The following PLS1 variants were observed in gnomAD, a reference collection of about 807,000 sequenced individuals.
The protein encoded by PLS1 is plastin-1.
PLS1 carries 32 observed loss-of-function variants against 73.7 expected under a neutral mutation model. The ratio of observed to expected loss-of-function variants is 0.43; its 90% CI spans 0.33 to 0.58. The LOEUF is 0.58. Ranked by LOEUF, PLS1 falls within the 20% of genes least tolerant of loss-of-function variation. PLS1 has a pLI of 0.04. For missense variants in PLS1, 633 were observed against 740.5 expected, an observed-to-expected ratio of 0.85 and a Z score of 1.68; for synonymous variants, 217 against 261.3, an observed-to-expected ratio of 0.83 and a Z score of 1.63.
At chr3:142,680,123 C>T (rs535314756) in intron 6 of PLS1, among the ~76,000 whole-genome samples, 1 of 152,290 alleles carries the variant, frequency 6.6e-6, no homozygotes, top group African/African-American at 2.4e-5. Flanking sequence ...CTTGCTATGC[C>T]ACCCAATATA....
intron 11 of PLS1, 116 bp downstream of exon 11, chr3:142,694,663 T>C: frequency 1.7e-6 from 1 of 587,576 alleles, no homozygotes. Flanking sequence ...AGCCAATTTT[T>C]AGAGTTTCAG....
chr3:142,693,618 CAGG>C (rs1215915490), intron 10 of PLS1, among the ~76,000 whole-genome samples: 1 of 152,128 alleles, frequency 6.6e-6, no homozygotes, highest in African/African-American at 2.4e-5. Context: ...TATTTGCAGT[CAGG>C]AGATGACTAG....
chr3:142,664,971 C>CT (rs74661149), intron 2 of PLS1, among the ~76,000 whole-genome samples: 3,215 of 141,920 alleles, frequency 0.023, 104 homozygotes, highest in African/African-American at 0.073. Context: ...ATATAAATAC[C>CT]TTTTTTTTTT....
chr3:142,698,789 C>A (rs1042321767), intron 12 of PLS1, among the ~76,000 whole-genome samples: 1 of 152,178 alleles, frequency 6.6e-6, no homozygotes, highest in Non-Finnish European at 1.5e-5. Flanking sequence ...ACATATTAAT[C>A]TTCCAAAAAA....
In PLS1 at chr3:142,634,843, A is replaced by G. The variant is rs140981627; in HGVS notation, c.-36-29359A>G. Among the ~76,000 whole-genome samples the G allele has an allele frequency of 4.7e-3, 717 of 152,270 alleles. 10 individuals are homozygous for G. The highest frequency in any genetic ancestry group is 0.016 in the African/African-American group (676 of 41,556). Reference sequence around the variant, plus strand: ...TTCTTATTGTTTAAGTCATTTTAAAAGCCAGTTGTTTTAAATAAAAATAAT... The same window carrying G: ...TTCTTATTGTTTAAGTCATTTTAAAGGCCAGTTGTTTTAAATAAAAATAAT... On this transcript the variant is annotated intron_variant, in intron 1 of 15. Transcript: ENST00000457734.
chr3:142,688,301 T>A (rs2038015753), intron 9 of PLS1, among the ~76,000 whole-genome samples: 1 of 152,238 alleles, frequency 6.6e-6, no homozygotes, highest in Non-Finnish European at 1.5e-5. Context: ...GTTAATTTAA[T>A]AATCTGTTGC....
chr3:142,694,336 T>A, intron 10 of PLS1, 133 bp from the exon 11 acceptor site: 2 of 483,532 alleles, frequency 4.1e-6, no homozygotes, highest in Middle Eastern at 3.0e-4. Flanking sequence ...TTTTCTCCCT[T>A]TAAAGAAACT....
intron 6 of PLS1, among the ~76,000 whole-genome samples, chr3:142,679,715 C>G (rs530802967): frequency 6.6e-6 from 1 of 151,838 alleles, no homozygotes; most frequent in Non-Finnish European, 1.5e-5. Flanking sequence ...CGTGATGCCT[C>G]CAGCTTTGTT....
chr3:142,645,087 A>T (rs1057027037), intron 1 of PLS1, among the ~76,000 whole-genome samples: 3 of 152,250 alleles, frequency 2.0e-5, no homozygotes, highest in Non-Finnish European at 2.9e-5. Flanking sequence ...ATTATAAAAC[A>T]TAGATTTATT....
chr3:142,625,155 A>G (rs1446809547), intron 1 of PLS1, among the ~76,000 whole-genome samples: 1 of 152,182 alleles, frequency 6.6e-6, no homozygotes, highest in African/African-American at 2.4e-5. Flanking sequence ...ATACGAGCTC[A>G]AAGAGAATAG....
At chr3:142,703,318 G>A (rs1160893088) in intron 12 of PLS1, among the ~76,000 whole-genome samples, 2 of 131,812 alleles carry the variant, frequency 1.5e-5, no homozygotes, top group South Asian at 2.3e-4. Flanking sequence ...TTTTTGAGAC[G>A]GAGTTTTTGC....
chr3:142,636,650 T>A (rs2036699597), intron 1 of PLS1, among the ~76,000 whole-genome samples: 1 of 152,214 alleles, frequency 6.6e-6, no homozygotes, highest in Admixed American at 6.5e-5. Flanking sequence ...ATTCTCAGAC[T>A]GGGAGAAAAC....
chr3:142,646,695 A>C lies in PLS1; in HGVS notation c.-36-17507A>C, dbSNP rs181602217. The stretch of plus-strand genomic sequence containing the variant: ...TAGTTCTTACTGTGGAGCTCTGTGG[A>C]GCTGTCTGGCGCCTGTTCTTTGGGA... On this transcript the variant is annotated intron_variant, in intron 1 of 15. Transcript: ENST00000457734. Among the ~76,000 whole-genome samples the C allele has an allele frequency of 8.5e-5, 13 of 152,334 alleles. No individual in the cohort carries two copies. In the East Asian group the frequency reaches 2.5e-3, roughly 29 times the overall value.
intron 1 of PLS1, among the ~76,000 whole-genome samples, chr3:142,629,642 C>T (rs980840949): frequency 1.9e-4 from 29 of 152,196 alleles, no homozygotes; most frequent in African/African-American, 6.8e-4. Flanking sequence ...AGCACTCACA[C>T]AGACCAGGAA....
chr3:142,683,018 C>T lies in PLS1; in HGVS notation c.580-988C>T, dbSNP rs558657135. Reference sequence around the variant, plus strand: ...AAATGCTAATTTTAATCGCCCCAGACGATCCCCCAAAGATACAGCCATTTA... The same window carrying T: ...AAATGCTAATTTTAATCGCCCCAGATGATCCCCCAAAGATACAGCCATTTA... On this transcript the variant is annotated intron_variant, in intron 6 of 15. Coordinates refer to ENST00000457734, the MANE Select transcript of PLS1 (RefSeq NM_001145319.2). 7.9e-5 allele frequency among the ~76,000 whole-genome samples: 12 copies of T among 152,302 alleles called. No individual in the cohort carries two copies. In the South Asian group the frequency reaches 8.3e-4, roughly 11 times the overall value.
chr3:142,658,231 G>T (rs2037283898), intron 1 of PLS1, among the ~76,000 whole-genome samples: 1 of 152,118 alleles, frequency 6.6e-6, no homozygotes, highest in African/African-American at 2.4e-5. Context: ...TGAGCACTTT[G>T]AGAGGCTGAG....
chr3:142,620,555 G>A (rs190488969), intron 1 of PLS1, among the ~76,000 whole-genome samples: 5 of 152,300 alleles, frequency 3.3e-5, no homozygotes, highest in East Asian at 3.9e-4. Context: ...CTCTTGCCCC[G>A]AAGGTGCATT....
intron 1 of PLS1, among the ~76,000 whole-genome samples, chr3:142,635,391 G>T (rs1046908417): frequency 9.5e-5 from 14 of 147,794 alleles, no homozygotes; most frequent in African/African-American, 3.5e-4. Context: ...AAAAAGTAGA[G>T]ATTCACTGGC....
intron 4 of PLS1, among the ~76,000 whole-genome samples, chr3:142,672,357 T>C (rs2037621387): frequency 6.7e-6 from 1 of 149,320 alleles, no homozygotes; most frequent in Admixed American, 6.7e-5. Context: ...TTTTTTTTTT[T>C]TTTGAGATGG....
Sources: allele counts gnomAD v4.1 joint callset (sites outside exome capture counted in the v4.1 genomes callset), GRCh38; gene constraint gnomAD v4.1.1; transcripts MANE v1.5; gene names NCBI Gene and HGNC (gene_info 2026-07-23, HGNC 2026-07-21).